Variants in SCAND1 observed in about 807,000 individuals in gnomAD.
SCAND1 encodes SCAN domain containing 1.
Under a neutral mutation model 3.4 loss-of-function variants are expected in SCAND1, and 3 were observed. The observed-to-expected ratio is 0.87, with a 90% CI of 0.40 to 2.25. The LOEUF (loss-of-function observed/expected upper bound fraction) is 2.25, where lower values mean the gene tolerates loss of function less well. Ranked by LOEUF, SCAND1 falls within the 30% of genes most tolerant of loss-of-function variation. SCAND1 has a pLI of 0.05. For synonymous variants in SCAND1, 152 were observed against 120.5 expected (o/e 1.26, Z -1.72); for missense variants, 303 against 258.8 (o/e 1.17, Z -1.17).
rs1346601466 is a variant in SCAND1, at chr20:35,954,263, A to C, written c.22T>G (p.Leu8Val). 6.2e-7 allele frequency: 1 copy of C among 1,613,116 alleles called. No homozygotes were observed. The highest frequency in any genetic ancestry group is 1.7e-5 in the Admixed American group (1 of 60,022). Residue 8 changes from leucine (L) to valine (V), a missense_variant, in exon 2 of 2, where the codon TTG becomes GTG. Leu to Val is a conservative substitution (Grantham distance 32). Transcript: ENST00000305978. MAATEPI[L>V]AATGSPAAVP... ...GCCGCGGGACTCCCAGTGGCCGCCAAGATCGGCTCCGTAGCCGCCATAACT... is the reference window on the plus strand; with the variant it reads ...GCCGCGGGACTCCCAGTGGCCGCCACGATCGGCTCCGTAGCCGCCATAACT...
upstream of SCAND1, chr20:35,954,774 C>G (rs1312813531): frequency 4.3e-6 from 2 of 469,338 alleles, no homozygotes; most frequent in East Asian, 7.8e-5. Context: ...CGTGCGGGCG[C>G]CCCTTCTGAT....
chr20:35,953,819 G>T lies in SCAND1; in HGVS notation c.466C>A (p.Leu156Met). The change falls in exon 2 of 2, where the codon CTG becomes ATG. Residue 156 changes from leucine to methionine, a missense_variant. Coordinates refer to ENST00000305978, the MANE Select transcript of SCAND1 (RefSeq NM_033630.3). ...GCCGCCTCGGGCAGGATGGCGAGCAGCTGCTCTTGCACCAGCATCTCCACG... is the reference window on the plus strand; with the variant it reads ...GCCGCCTCGGGCAGGATGGCGAGCATCTGCTCTTGCACCAGCATCTCCACG... ...QIVEMLVQEQLLAILPEAARA... is the reference protein window; with the variant it reads ...QIVEMLVQEQMLAILPEAARA... 6.4e-7 allele frequency: 1 copy of T among 1,556,756 alleles called. No individual in the cohort carries two copies.
chr20:35,956,976 A>G (rs931560498), upstream of SCAND1, among the ~76,000 whole-genome samples: 2 of 152,228 alleles, frequency 1.3e-5, no homozygotes, highest in Admixed American at 1.3e-4. Flanking sequence ...GGTGGGGGTT[A>G]AATCATAAAT....
chr20:35,953,699 C>A lies in SCAND1; in HGVS notation c.*46G>T. 7.7e-7 allele frequency: 1 copy of A among 1,293,390 alleles called. No individual in the cohort carries two copies. 80.1% of individuals were successfully genotyped at this position (1,293,390 alleles called of 1,614,324 possible). On this transcript the variant is annotated 3_prime_UTR_variant, in exon 2 of 2. Coordinates refer to ENST00000305978, the MANE Select transcript of SCAND1 (RefSeq NM_033630.3). The stretch of plus-strand genomic sequence containing the variant: ...AGGCCCCCGGGCCCGATCATGGCCC[C>A]AGTCCGCACAGAGCGCCCGGCCCTG...
At chr20:35,958,152 G>T (rs1327209881), upstream of SCAND1, among the ~76,000 whole-genome samples, 4 of 152,170 alleles carry the variant, frequency 2.6e-5, no homozygotes, top group Admixed American at 1.3e-4. Flanking sequence ...CTTTTCATTG[G>T]CCAAGCATGG....
upstream of SCAND1, among the ~76,000 whole-genome samples, chr20:35,958,114 C>T (rs6119683): frequency 0.093 from 14,140 of 152,224 alleles, 1,048 homozygotes; most frequent in African/African-American, 0.2. Context: ...TCAGAGCCAT[C>T]ACACTGGAGA....
At chr20:35,954,687 G>A, upstream of SCAND1, 1 of 1,165,966 alleles carries the variant, frequency 8.6e-7, no homozygotes. Context: ...AGTCGGAGGA[G>A]GAGCCTGAAT....
chr20:35,954,485 A>G lies in SCAND1; in HGVS notation c.-93T>C. Reference sequence around the variant, plus strand: ...AGCGCCTGCGGCAGCCGGAAGCGAAAGTCTCTGGCTTCTCTGCGTCCAGGT... The same window carrying G: ...AGCGCCTGCGGCAGCCGGAAGCGAAGGTCTCTGGCTTCTCTGCGTCCAGGT... On this transcript the variant is annotated 5_prime_UTR_variant, in exon 1 of 2. Transcript: ENST00000305978. The G allele has an allele frequency of 6.5e-7, 1 of 1,545,294 alleles. No individual in the cohort carries two copies. Among genetic ancestry groups the G allele is most frequent in the Non-Finnish European group, 8.7e-7 (1 of 1,144,526 alleles).
At position 35,954,313 on chromosome 20, in the gene SCAND1, C is replaced by G; in HGVS notation, c.-29G>C. 6.2e-7 allele frequency: 1 copy of G among 1,613,152 alleles called. No individual in the cohort carries two copies. The highest frequency in any genetic ancestry group is 8.5e-7 in the Non-Finnish European group (1 of 1,179,750). ...TCCAGCTCCGGGCGTCACTCTTTGT[C>G]CGGTAGCTGTGTGCTCAGCACTGCG... is the stretch of plus-strand genomic sequence containing the variant. On this transcript the variant is annotated 5_prime_UTR_variant, in exon 2 of 2. Coordinates refer to ENST00000305978, the MANE Select transcript of SCAND1 (RefSeq NM_033630.3).
At chr20:35,959,314 T>C (rs2056287550), upstream of SCAND1, 1 of 143,088 alleles carries the variant, frequency 7.0e-6, no homozygotes, top group South Asian at 2.5e-4. Flanking sequence ...GTCACAGGCA[T>C]TGATATTATT....
Position 35,954,259 on chromosome 20 carries a change from G to A in SCAND1, c.26C>T (p.Ala9Val), listed in dbSNP as rs1232330610. Reference protein sequence around the residue: MAATEPILAATGSPAAVPP... With the variant: MAATEPILVATGSPAAVPP... ...CACCGCCGCGGGACTCCCAGTGGCC[G>A]CCAAGATCGGCTCCGTAGCCGCCAT... The change falls in exon 2 of 2, where the codon GCG becomes GTG. Residue 9 changes from alanine to valine, a missense_variant. Coordinates refer to ENST00000305978, the MANE Select transcript of SCAND1 (RefSeq NM_033630.3). 15 of 1,612,970 alleles carry A rather than the reference G, an allele frequency of 9.3e-6. No individual in the cohort carries two copies. The highest frequency in any genetic ancestry group is 1.3e-5 in the Non-Finnish European group (15 of 1,179,894).
At chr20:35,956,687 C>T (rs1349683304), upstream of SCAND1, among the ~76,000 whole-genome samples, 2 of 152,196 alleles carry the variant, frequency 1.3e-5, no homozygotes, top group African/African-American at 4.8e-5. Context: ...GAGTGACCAA[C>T]AGTGCTATTC....
upstream of SCAND1, chr20:35,954,742 T>C: frequency 2.6e-6 from 2 of 772,718 alleles, no homozygotes; most frequent in Non-Finnish European, 3.6e-6. Context: ...CGTGCGCCGC[T>C]TCGGTTTGCA....
upstream of SCAND1, among the ~76,000 whole-genome samples, chr20:35,956,909 C>G (rs1014527966): frequency 6.6e-6 from 1 of 152,092 alleles, no homozygotes; most frequent in Non-Finnish European, 1.5e-5. Context: ...AAACTGCAGG[C>G]TATATGGGAA....
chr20:35,953,703 C>G lies in SCAND1; in HGVS notation c.*42G>C, dbSNP rs563001236. On this transcript the variant is annotated 3_prime_UTR_variant, in exon 2 of 2. Coordinates refer to ENST00000305978, the MANE Select transcript of SCAND1 (RefSeq NM_033630.3). ...CCCCGGGCCCGATCATGGCCCCAGT[C>G]CGCACAGAGCGCCCGGCCCTGGCCG... is the stretch of plus-strand genomic sequence containing the variant. The G allele has an allele frequency of 1.6e-5, 22 of 1,337,460 alleles. No individual in the cohort carries two copies. The Admixed American group carries it at 4.7e-4, about 29-fold the overall frequency. 82.8% of individuals were successfully genotyped at this position (1,337,460 alleles called of 1,614,324 possible). A position where few individuals can be genotyped will look rare whatever the true frequency, so the allele number is the denominator to read the frequency against.
chr20:35,953,823 C>G lies in SCAND1; in HGVS notation c.462G>C (p.Glu154Asp). Reference protein sequence around the residue: ...KEQIVEMLVQEQLLAILPEAA... With the variant: ...KEQIVEMLVQDQLLAILPEAA... ...CCTCGGGCAGGATGGCGAGCAGCTG[C>G]TCTTGCACCAGCATCTCCACGATCT... The change falls in exon 2 of 2, where the codon GAG (glutamate) becomes GAC (aspartate). Residue 154 changes from glutamate to aspartate, a missense_variant. By Grantham distance (45) the Glu-to-Asp change is conservative. Transcript: ENST00000305978. 1 of 1,565,450 alleles carries G rather than the reference C, an allele frequency of 6.4e-7. No homozygotes were observed. The highest frequency in any genetic ancestry group is 8.6e-7 in the Non-Finnish European group (1 of 1,157,750).
At chr20:35,959,227 A>AT (rs36108961), upstream of SCAND1, among the ~76,000 whole-genome samples, 13 of 152,182 alleles carry the variant, frequency 8.5e-5, no homozygotes, top group South Asian at 2.1e-4. Flanking sequence ...ATACTTCGTC[A>AT]TTTTTTTAAA....
chr20:35,954,280 G>A lies in SCAND1; in HGVS notation c.5C>T (p.Ala2Val), dbSNP rs965303870. 8.1e-6 allele frequency: 13 copies of A among 1,613,344 alleles called. No homozygotes were observed. Among genetic ancestry groups the A allele is most frequent in the African/African-American group, 2.7e-5 (2 of 74,940 alleles). The stretch of plus-strand genomic sequence containing the variant: ...GGCCGCCAAGATCGGCTCCGTAGCC[G>A]CCATAACTCCAGCTCCGGGCGTCAC... Reference protein sequence around the residue: MAATEPILAATG... With the variant: MVATEPILAATG... Residue 2 changes from alanine to valine, a missense_variant, in exon 2 of 2, where the codon GCG becomes GTG. By Grantham distance (64) the Ala-to-Val change is moderately conservative (BLOSUM62 0). Coordinates refer to ENST00000305978, the MANE Select transcript of SCAND1 (RefSeq NM_033630.3).
chr20:35,958,016 G>A (rs895336784), upstream of SCAND1, among the ~76,000 whole-genome samples: 1 of 152,236 alleles, frequency 6.6e-6, no homozygotes, highest in Non-Finnish European at 1.5e-5. Flanking sequence ...ATGAGTCCCA[G>A]ACTCTTTCAG....
Sources: allele counts gnomAD v4.1 joint callset (sites outside exome capture counted in the v4.1 genomes callset), GRCh38; gene constraint gnomAD v4.1.1; transcripts MANE v1.5; gene names NCBI Gene and HGNC (gene_info 2026-07-23, HGNC 2026-07-21).